Variants in PIEZO2 observed in about 807,000 individuals in gnomAD.
The protein encoded by PIEZO2 is piezo type mechanosensitive ion channel component 2, also known as piezo-type mechanosensitive ion channel component 2.
A neutral mutation model predicts 337.3 loss-of-function variants in PIEZO2; 172 were observed. The observed-to-expected ratio is 0.51, with a 90% confidence interval of 0.45 to 0.58. The LOEUF is 0.58. Among genes scored for constraint, PIEZO2 ranks in the 20% least tolerant of loss-of-function variants. The pLI, the probability that PIEZO2 is intolerant of heterozygous loss-of-function variation, is 0.00. For synonymous variants in PIEZO2, 1,251 were observed against 1,228.5 expected (o/e 1.02, Z -0.38); for missense variants, 3,028 against 3,391.3 (o/e 0.89, Z 2.66).
In PIEZO2 at chr18:10,784,961, C is replaced by A. The variant is rs1333092519; in HGVS notation, c.2319-4G>T. The A allele has an allele frequency of 1.2e-5, 18 of 1,524,208 alleles. No individual in the cohort carries two copies. The South Asian group carries it at 1.4e-4, about 12-fold the overall frequency. The allele number at this position is 1,524,208 out of a possible 1,614,324, so 94.4% of individuals were successfully genotyped here. A position where few individuals can be genotyped will look rare whatever the true frequency, so the allele number is the denominator to read the frequency against. On this transcript the variant is annotated splice_region_variant and splice_polypyrimidine_tract_variant and intron_variant, in intron 16 of 55. Coordinates refer to ENST00000674853, the MANE Select transcript of PIEZO2 (RefSeq NM_001378183.1). This position sits in a 1 kb window ranked among gnomAD's most constrained non-coding sequence, Gnocchi z 4.5. The stretch of plus-strand genomic sequence containing the variant: ...CTTTAAGCCAAGATCCTCAAGCCTG[C>A]AAAACAAAACAAAATAAAAAGCAGG...
At position 10,973,714 on chromosome 18, in the gene PIEZO2, A is replaced by G. The variant is rs1392850337; in HGVS notation, c.286+5821T>C. Among the ~76,000 whole-genome samples the G allele has an allele frequency of 6.6e-6, 1 of 152,122 alleles. No individual in the cohort carries two copies. ...TGAATGAGTTAGGGAATGGAAAGAGAAGGGGACGGGGCAAGGTGAGGAACC... is the reference window on the plus strand; with the variant it reads ...TGAATGAGTTAGGGAATGGAAAGAGGAGGGGACGGGGCAAGGTGAGGAACC... On this transcript the variant is annotated intron_variant, in intron 3 of 55. Transcript: ENST00000674853. The surrounding 1 kb of genome is among the most constrained non-coding windows in gnomAD (Gnocchi z 4.9).
At chr18:10,871,546 A>G (rs2042141847) in intron 4 of PIEZO2, 131 bp from the exon 5 acceptor site, 2 of 878,828 alleles carry the variant, frequency 2.3e-6, no homozygotes, top group Admixed American at 3.1e-5. Flanking sequence ...CCTAAAAGGT[A>G]CAAGAAAGCT....
At chr18:10,950,576 A>T (rs964989962) in intron 3 of PIEZO2, among the ~76,000 whole-genome samples, 1 of 152,220 alleles carries the variant, frequency 6.6e-6, no homozygotes, top group Non-Finnish European at 1.5e-5. Flanking sequence ...GTTATTGTAT[A>T]TGTGGCTTTA....
At chr18:10,778,047 T>C (rs987919173) in intron 18 of PIEZO2, among the ~76,000 whole-genome samples, 7 of 152,194 alleles carry the variant, frequency 4.6e-5, no homozygotes, top group Admixed American at 2.0e-4. Context: ...TTACAACTTG[T>C]AAAGTCATGT....
At chr18:11,023,319 G>C (rs1014425173) in intron 2 of PIEZO2, among the ~76,000 whole-genome samples, 3 of 152,052 alleles carry the variant, frequency 2.0e-5, no homozygotes, top group Non-Finnish European at 4.4e-5. Context: ...TACAATCCCT[G>C]AGCTAGACAC....
chr18:10,968,184 A>G lies in PIEZO2; in HGVS notation c.286+11351T>C, dbSNP rs539021272. On this transcript the variant is annotated intron_variant, in intron 3 of 55. Coordinates refer to ENST00000674853, the MANE Select transcript of PIEZO2 (RefSeq NM_001378183.1). The stretch of plus-strand genomic sequence containing the variant: ...CTACCTGTGGTTTGCCAATTATCCC[A>G]GCACCATTTGTCAAACAGGGTGTCC... Among the ~76,000 whole-genome samples, 3 of 152,306 alleles carry G rather than the reference A, an allele frequency of 2.0e-5. No individual in the cohort carries two copies. In the East Asian group the frequency reaches 5.8e-4, roughly 29 times the overall value.
chr18:10,823,685 T>C (rs1248493526), intron 7 of PIEZO2, among the ~76,000 whole-genome samples: 1 of 152,156 alleles, frequency 6.6e-6, no homozygotes, highest in Non-Finnish European at 1.5e-5. Context: ...ATAAATGTAA[T>C]TGCAATCAAC....
Position 10,766,445 on chromosome 18 carries a change from T to C in PIEZO2, c.2947-3347A>G, listed in dbSNP as rs1353543088. Among the ~76,000 whole-genome samples the C allele has an allele frequency of 6.6e-6, 1 of 152,194 alleles. No homozygotes were observed. The highest frequency in any genetic ancestry group is 1.5e-5 in the Non-Finnish European group (1 of 68,030). On this transcript the variant is annotated intron_variant, in intron 21 of 55. Coordinates refer to ENST00000674853, the MANE Select transcript of PIEZO2 (RefSeq NM_001378183.1). The surrounding 1 kb of genome is among the most constrained non-coding windows in gnomAD (Gnocchi z 6.1). ...TCCACGTACATAACAACTGTCCAGG[T>C]GATTCTTACTATCAAGGATTTTGAG...
At chr18:11,060,037 C>A (rs1190688072) in intron 2 of PIEZO2, among the ~76,000 whole-genome samples, 1 of 152,104 alleles carries the variant, frequency 6.6e-6, no homozygotes, top group Non-Finnish European at 1.5e-5. Context: ...TGTAAAAGAA[C>A]AGAAATTATA....
chr18:10,795,008 G>T lies in PIEZO2; in HGVS notation c.1528-6C>A. On this transcript the variant is annotated splice_region_variant and splice_polypyrimidine_tract_variant and intron_variant, in intron 12 of 55. Coordinates refer to ENST00000674853, the MANE Select transcript of PIEZO2 (RefSeq NM_001378183.1). The surrounding 1 kb of genome is among the most constrained non-coding windows in gnomAD (Gnocchi z 4.4). ...TGATAGGTGATGCTCCAGGCCTCCG[G>T]AGGACAGAAAAGGAAACACGACCAT... 1 of 1,546,430 alleles carries T rather than the reference G, an allele frequency of 6.5e-7. No individual in the cohort carries two copies.
Position 10,855,595 on chromosome 18 carries a change from C to T in PIEZO2, c.704-29G>A, listed in dbSNP as rs1467052125. ...AGGAAGAGAAACGTAATCACAAAGT[C>T]AGGTAGAACTGGAAATTCACTTATC... On this transcript the variant is annotated intron_variant, in intron 6 of 55. Transcript: ENST00000674853. This position sits in a 1 kb window ranked among gnomAD's most constrained non-coding sequence, Gnocchi z 4.9. 1.4e-6 allele frequency: 2 copies of T among 1,473,318 alleles called. No homozygotes were observed. The highest frequency in any genetic ancestry group is 2.5e-5 in the East Asian group (1 of 40,316). The allele number at this position is 1,473,318 out of a possible 1,614,324, so 91.3% of individuals were successfully genotyped here.
chr18:11,135,209 T>A (rs762543757), intron 1 of PIEZO2, among the ~76,000 whole-genome samples: 4 of 152,138 alleles, frequency 2.6e-5, no homozygotes, highest in Non-Finnish European at 4.4e-5. Flanking sequence ...AAAGCAGTAA[T>A]GTCCAAAGCG....
chr18:10,691,884 T>C (rs1221250112), intron 47 of PIEZO2, among the ~76,000 whole-genome samples: 3 of 150,602 alleles, frequency 2.0e-5, no homozygotes, highest in Non-Finnish European at 4.4e-5. Context: ...TTACTATTCA[T>C]TATAAAAATA....
chr18:10,681,186 T>G (rs1353864676), intron 51 of PIEZO2, among the ~76,000 whole-genome samples: 1 of 152,256 alleles, frequency 6.6e-6, no homozygotes, highest in Admixed American at 6.5e-5. Flanking sequence ...TCTCCTATTA[T>G]GACCACTCTA....
At chr18:10,699,865 C>T (rs190914001) in intron 43 of PIEZO2, among the ~76,000 whole-genome samples, 24 of 152,158 alleles carry the variant, frequency 1.6e-4, no homozygotes, top group Admixed American at 1.2e-3. Flanking sequence ...TCTTTGGCCA[C>T]GCATTTGCTT....
intron 1 of PIEZO2, among the ~76,000 whole-genome samples, chr18:11,103,063 G>A (rs943044837): frequency 6.6e-6 from 1 of 152,114 alleles, no homozygotes; most frequent in Non-Finnish European, 1.5e-5. Context: ...GGAGGGGTTT[G>A]AGAGGATGTG....
intron 36 of PIEZO2, among the ~76,000 whole-genome samples, chr18:10,720,766 G>T (rs536068119): frequency 6.6e-6 from 1 of 151,990 alleles, no homozygotes; most frequent in Admixed American, 6.6e-5. Context: ...ATTTTATCTG[G>T]TTACCCTATC....
chr18:10,694,601 C>T (rs2035001499), intron 47 of PIEZO2, among the ~76,000 whole-genome samples: 1 of 152,152 alleles, frequency 6.6e-6, no homozygotes, highest in Admixed American at 6.5e-5. Context: ...GAGGCCCAGG[C>T]AGGAGGACTG....
At chr18:10,930,919 A>G (rs2032042982) in intron 3 of PIEZO2, among the ~76,000 whole-genome samples, 1 of 152,216 alleles carries the variant, frequency 6.6e-6, no homozygotes, top group Non-Finnish European at 1.5e-5. Context: ...CCATGGTATG[A>G]CATACAGAGG....
Sources: gnomAD v4.1 joint callset for allele counts (sites outside exome capture counted in the v4.1 genomes callset) on GRCh38, gnomAD v4.1.1 for gene constraint, Gnocchi (gnomAD v3.1) non-coding constraint, MANE v1.5 for transcripts, NCBI Gene and HGNC (gene_info 2026-07-23, HGNC 2026-07-21) for gene names.